The following NR3C1 variants were observed in gnomAD, a reference collection of about 807,000 sequenced individuals.
NR3C1 encodes glucocorticoid receptor.
Under a neutral mutation model 74.0 loss-of-function variants are expected in NR3C1, and 14 were observed. The observed-to-expected ratio is 0.19, with a 90% CI of 0.12 to 0.30. The LOEUF (loss-of-function observed/expected upper bound fraction) is 0.30. NR3C1 is among the 10% of genes least tolerant of loss of function. The pLI, the probability that NR3C1 is intolerant of heterozygous loss-of-function variation, is 1.00. For missense variants in NR3C1, 695 were observed against 909.8 expected, an observed-to-expected ratio of 0.76 and a Z score of 3.04; for synonymous variants, 308 against 332.5, an observed-to-expected ratio of 0.93 and a Z score of 0.80.
At position 143,400,952 on chromosome 5, in the gene NR3C1, C is replaced by CTTTTA; in HGVS notation, c.-13-105_-13-101dup. 4 of 877,388 alleles carry CTTTTA rather than the reference C, an allele frequency of 4.6e-6. No homozygotes were observed. The South Asian group carries it at 5.7e-5, about 12-fold the overall frequency. The allele number at this position is 877,388 out of a possible 1,614,324, so 54.4% of individuals were successfully genotyped here. On this transcript the variant is annotated intron_variant, in intron 1 of 8. Transcript: ENST00000394464. ...GTAAGAGGCAGCTTGTTAAATGAAC[C>CTTTTA]TTTTAGTTAACTCCGAATCAAATTC...
chr5:143,414,444 A>G (rs182739000), intron 1 of NR3C1, among the ~76,000 whole-genome samples: 4 of 152,350 alleles, frequency 2.6e-5, no homozygotes, highest in Admixed American at 1.3e-4. Context: ...ATACTTGCTG[A>G]TTAATTTTAG....
chr5:143,332,033 A>G (rs1010843776), intron 2 of NR3C1, among the ~76,000 whole-genome samples: 1 of 152,244 alleles, frequency 6.6e-6, no homozygotes, highest in Non-Finnish European at 1.5e-5. Flanking sequence ...TCCATAGTTT[A>G]AAATTAGAAC....
At chr5:143,403,883 C>A (rs1484919164), upstream of NR3C1, 1 of 980,260 alleles carries the variant, frequency 1.0e-6, no homozygotes, top group Non-Finnish European at 1.2e-6. Flanking sequence ...CGCCTGCACG[C>A]CCGCGTCCCC....
chr5:143,368,522 A>C (rs879374418), intron 2 of NR3C1, among the ~76,000 whole-genome samples: 3 of 145,768 alleles, frequency 2.1e-5, no homozygotes, highest in Non-Finnish European at 3.0e-5. Context: ...ATACATACAC[A>C]TATATTCTAG....
intron 7 of NR3C1, among the ~76,000 whole-genome samples, chr5:143,287,359 A>G (rs1283728966): frequency 6.6e-6 from 1 of 152,184 alleles, no homozygotes; most frequent in Non-Finnish European, 1.5e-5. Flanking sequence ...GGACACCTCT[A>G]TGGATCCTAC....
At chr5:143,389,652 T>C (rs1345912483) in intron 2 of NR3C1, among the ~76,000 whole-genome samples, 2 of 152,212 alleles carry the variant, frequency 1.3e-5, no homozygotes. Flanking sequence ...AATACTGAAT[T>C]AGAAATTACT....
At chr5:143,389,631 C>T (rs908037945) in intron 2 of NR3C1, among the ~76,000 whole-genome samples, 5 of 152,216 alleles carry the variant, frequency 3.3e-5, no homozygotes, top group African/African-American at 4.8e-5. Context: ...TAAAAGGTCA[C>T]TCATCCCTAA....
chr5:143,295,767 G>A (rs1437316833), intron 6 of NR3C1, among the ~76,000 whole-genome samples, 177 bp from the exon 7 acceptor site: 1 of 152,098 alleles, frequency 6.6e-6, no homozygotes, highest in Non-Finnish European at 1.5e-5. Context: ...TAAACTTCCT[G>A]CATCTTGGCT....
At position 143,300,395 on chromosome 5, in the gene NR3C1, A is replaced by T. The variant is rs1237489543; in HGVS notation, c.1747+90T>A. 4 of 1,502,526 alleles carry T rather than the reference A, an allele frequency of 2.7e-6. No individual in the cohort carries two copies. In the Admixed American group the frequency reaches 6.7e-5, roughly 25 times the overall value. 93.1% of individuals were successfully genotyped at this position (1,502,526 alleles called of 1,614,324 possible). On this transcript the variant is annotated intron_variant, in intron 5 of 8. Coordinates refer to ENST00000394464, the MANE Select transcript of NR3C1 (RefSeq NM_000176.3). The surrounding 1 kb of genome is among the most constrained non-coding windows in gnomAD (Gnocchi z 5.2). ...AGAACTAAGAGAAACAAGATAAGCC[A>T]TGGGCTCACGATGATATAAAAGCCA...
At chr5:143,282,447 C>T in intron 8 of NR3C1, 121 bp downstream of exon 8, 1 of 1,110,876 alleles carries the variant, frequency 9.0e-7, no homozygotes, top group Non-Finnish European at 1.3e-6. Context: ...CTCAAGCTAT[C>T]ACCAACATCC....
intron 2 of NR3C1, among the ~76,000 whole-genome samples, chr5:143,348,364 C>T (rs1829666587): frequency 6.6e-6 from 1 of 152,158 alleles, no homozygotes; most frequent in Non-Finnish European, 1.5e-5. Context: ...CTTGTAGATT[C>T]CACATCTGCA....
chr5:143,365,983 A>C (rs1268959915), intron 2 of NR3C1, among the ~76,000 whole-genome samples: 1 of 152,192 alleles, frequency 6.6e-6, no homozygotes, highest in Non-Finnish European at 1.5e-5. Context: ...CAACATACCA[A>C]ATCTTAAGGG....
intron 7 of NR3C1, among the ~76,000 whole-genome samples, chr5:143,287,633 T>TA (rs1225725540): frequency 6.6e-6 from 1 of 151,952 alleles, no homozygotes; most frequent in Non-Finnish European, 1.5e-5. Flanking sequence ...AAACAGAAAA[T>TA]ACTTCTCAAC....
chr5:143,415,733 G>A (rs1841455268), intron 1 of NR3C1, among the ~76,000 whole-genome samples: 1 of 152,028 alleles, frequency 6.6e-6, no homozygotes, highest in African/African-American at 2.4e-5. Context: ...TTTGTATCTA[G>A]ATCTTTCTGC....
At chr5:143,282,494 A>G (rs1033696086) in intron 8 of NR3C1, 74 bp downstream of exon 8, 13 of 1,569,766 alleles carry the variant, frequency 8.3e-6, no homozygotes, top group Non-Finnish European at 1.1e-5. Context: ...CTGCTGGTAT[A>G]TAATTATATT....
At chr5:143,388,214 C>A (rs1837604085) in intron 2 of NR3C1, among the ~76,000 whole-genome samples, 2 of 152,144 alleles carry the variant, frequency 1.3e-5, no homozygotes, top group African/African-American at 4.8e-5. Flanking sequence ...TAGAGACTGT[C>A]AATTGAAAAT....
intron 2 of NR3C1, among the ~76,000 whole-genome samples, chr5:143,332,268 T>G (rs1279007357): frequency 6.6e-6 from 1 of 151,552 alleles, no homozygotes; most frequent in African/African-American, 2.4e-5. Context: ...TGCATGAGTT[T>G]AGCTGTACCA....
At chr5:143,298,630 C>A (rs774973792) in intron 6 of NR3C1, 38 bp downstream of exon 6, 26 of 1,600,500 alleles carry the variant, frequency 1.6e-5, no homozygotes, top group African/African-American at 2.7e-5. Context: ...TTAAAGATAC[C>A]CTATGAATAC....
chr5:143,314,961 C>T (rs1433417341), intron 2 of NR3C1, among the ~76,000 whole-genome samples: 1 of 152,192 alleles, frequency 6.6e-6, no homozygotes, highest in Non-Finnish European at 1.5e-5. Flanking sequence ...TGTGAATCTG[C>T]TTCTCTTACT....
Sources: gnomAD v4.1 joint callset for allele counts (sites outside exome capture counted in the v4.1 genomes callset) on GRCh38, gnomAD v4.1.1 for gene constraint, Gnocchi (gnomAD v3.1) non-coding constraint, MANE v1.5 for transcripts, NCBI Gene and HGNC (gene_info 2026-07-23, HGNC 2026-07-21) for gene names.